The following C1QTNF7 variants were observed in gnomAD, a reference collection of about 807,000 sequenced individuals.
C1QTNF7 encodes the protein C1q and TNF related 7, also known as complement C1q tumor necrosis factor-related protein 7.
Under a neutral mutation model 19.6 loss-of-function variants are expected in C1QTNF7, and 15 were observed. The ratio of observed to expected loss-of-function variants is 0.76; its 90% CI spans 0.51 to 1.18. The LOEUF is 1.18. Among genes scored for constraint, C1QTNF7 ranks in the 50% most tolerant of loss-of-function variants. The probability of loss-of-function intolerance (pLI) is 0.00; values close to 1 mark genes in which losing one functional copy is unlikely to be tolerated. For missense variants in C1QTNF7, 324 were observed against 359.7 expected (o/e 0.90, Z 0.80); for synonymous variants, 142 against 137.5 (o/e 1.03, Z -0.23).
At chr4:15,430,616 G>C (rs1712258877) in intron 1 of C1QTNF7, among the ~76,000 whole-genome samples, 1 of 152,150 alleles carries the variant, frequency 6.6e-6, no homozygotes, top group Non-Finnish European at 1.5e-5. Context: ...AAATTTTATG[G>C]TGTGCAAATT....
At chr4:15,347,033 CA>C (rs904212768) in intron 1 of C1QTNF7, among the ~76,000 whole-genome samples, 1 of 151,862 alleles carries the variant, frequency 6.6e-6, no homozygotes. Context: ...TTATTACCTA[CA>C]AAAAAAATGG....
Position 15,365,422 on chromosome 4 carries a change from G to T in C1QTNF7, c.13+25215G>T, listed in dbSNP as rs563478050. 2.1e-4 allele frequency among the ~76,000 whole-genome samples: 32 copies of T among 152,148 alleles called. No homozygotes were observed. In the South Asian group the frequency reaches 2.9e-3, roughly 14 times the overall value. Reference sequence around the variant, plus strand: ...TAATAATATCTAAAATGTTTCAAATGACATTTCCACATTTGCCATCAAAAG... The same window carrying T: ...TAATAATATCTAAAATGTTTCAAATTACATTTCCACATTTGCCATCAAAAG... On this transcript the variant is annotated intron_variant, in intron 1 of 2. Coordinates refer to the C1QTNF7 transcript ENST00000295297.
chr4:15,385,045 TTC>T (rs1211021902), intron 1 of C1QTNF7, among the ~76,000 whole-genome samples: 1 of 152,196 alleles, frequency 6.6e-6, no homozygotes, highest in African/African-American at 2.4e-5. Context: ...CTCCTTCTCT[TTC>T]TCTCTTTTTC....
intron 1 of C1QTNF7, among the ~76,000 whole-genome samples, chr4:15,413,250 T>C (rs1719471610): frequency 6.6e-6 from 1 of 152,230 alleles, no homozygotes; most frequent in Admixed American, 6.5e-5. Flanking sequence ...CGTGGTTACC[T>C]ATCTATGTTT....
At chr4:15,392,126 C>T (rs1040118804) in intron 1 of C1QTNF7, among the ~76,000 whole-genome samples, 1 of 152,180 alleles carries the variant, frequency 6.6e-6, no homozygotes, top group Non-Finnish European at 1.5e-5. Flanking sequence ...ACAAAAAGAA[C>T]TGAACATTTT....
chr4:15,424,963 T>G (rs1711970553), upstream of C1QTNF7, among the ~76,000 whole-genome samples: 1 of 152,192 alleles, frequency 6.6e-6, no homozygotes, highest in Admixed American at 6.5e-5. Flanking sequence ...AGATTTTGTC[T>G]CTACAAGGTC....
intron 1 of C1QTNF7, among the ~76,000 whole-genome samples, chr4:15,422,846 C>A (rs994916517): frequency 1.3e-5 from 2 of 152,084 alleles, no homozygotes; most frequent in Admixed American, 1.3e-4. Context: ...TGGTCTCAAG[C>A]GATCTTCCCA....
exon 1 of C1QTNF7, chr4:15,340,100 C>T (rs1350361171): frequency 5.8e-6 from 8 of 1,372,400 alleles, no homozygotes; most frequent in South Asian, 1.2e-5. Context: ...ATAATAAACA[C>T]ATATTTCTGC....
chr4:15,356,939 AGTT>A (rs1717165166), intron 1 of C1QTNF7, among the ~76,000 whole-genome samples: 1 of 146,134 alleles, frequency 6.8e-6, no homozygotes, highest in Non-Finnish European at 1.5e-5. Flanking sequence ...TTTTTGATAA[AGTT>A]GTTTTTTTTT....
intron 1 of C1QTNF7, among the ~76,000 whole-genome samples, chr4:15,343,732 C>T (rs1244965386): frequency 6.6e-6 from 1 of 152,126 alleles, no homozygotes; most frequent in African/African-American, 2.4e-5. Context: ...GAAGACAAGA[C>T]CACAGGTCCC....
chr4:15,359,608 T>C (rs1560341025), intron 1 of C1QTNF7, among the ~76,000 whole-genome samples: 2 of 152,136 alleles, frequency 1.3e-5, no homozygotes, highest in Non-Finnish European at 1.5e-5. Flanking sequence ...TTAAAACCCA[T>C]GGAGGTTTTC....
chr4:15,426,297 T>C (rs2108930395), upstream of C1QTNF7, among the ~76,000 whole-genome samples: 1 of 152,312 alleles, frequency 6.6e-6, no homozygotes, highest in East Asian at 1.9e-4. Context: ...ACCCATCACT[T>C]CACCACTGCT....
intron 1 of C1QTNF7, among the ~76,000 whole-genome samples, chr4:15,353,400 T>C (rs997433243): frequency 6.6e-6 from 1 of 152,202 alleles, no homozygotes; most frequent in Non-Finnish European, 1.5e-5. Flanking sequence ...TGGCTGAGCA[T>C]TTTTCTTTCA....
intron 1 of C1QTNF7, among the ~76,000 whole-genome samples, chr4:15,416,832 A>G (rs1370232974): frequency 6.6e-6 from 1 of 152,232 alleles, no homozygotes; most frequent in Non-Finnish European, 1.5e-5. Context: ...ATGACCTTGA[A>G]GTCCTTCCTC....
intron 1 of C1QTNF7, among the ~76,000 whole-genome samples, chr4:15,377,399 A>T (rs1256778610): frequency 6.6e-6 from 1 of 152,156 alleles, no homozygotes; most frequent in Non-Finnish European, 1.5e-5. Context: ...TCATCAGCAG[A>T]TGGGTGGATT....
rs1360698757 is a variant in C1QTNF7 at position 15,435,629 on chromosome 4, T to A, written c.-8-107T>A. 8 of 1,471,412 alleles carry A rather than the reference T, an allele frequency of 5.4e-6. No individual in the cohort carries two copies. In the Admixed American group the frequency reaches 1.6e-4, roughly 30 times the overall value. 91.1% of individuals were successfully genotyped at this position (1,471,412 alleles called of 1,614,324 possible). A position where few individuals can be genotyped will look rare whatever the true frequency, so the allele number is the denominator to read the frequency against. ...ATGTCTGGAAAGACGAACACTGGAG[T>A]GATTTGTTGCAAATGCACATTCTCT... On this transcript the variant is annotated intron_variant, in intron 1 of 2. Coordinates refer to ENST00000444304, the MANE Select transcript of C1QTNF7 (RefSeq NM_031911.5).
At chr4:15,438,574 A>G (rs778947457) in intron 2 of C1QTNF7, among the ~76,000 whole-genome samples, 9 of 152,254 alleles carry the variant, frequency 5.9e-5, no homozygotes, top group Non-Finnish European at 1.0e-4. Context: ...TAAATTTTCT[A>G]TTAAAGTATC....
At chr4:15,353,848 TA>T (rs1717024359) in intron 1 of C1QTNF7, among the ~76,000 whole-genome samples, 2 of 152,056 alleles carry the variant, frequency 1.3e-5, no homozygotes, top group Non-Finnish European at 2.9e-5. Flanking sequence ...AACTCTTGTT[TA>T]AAATGTGTTT....
intron 1 of C1QTNF7, among the ~76,000 whole-genome samples, chr4:15,428,489 A>G (rs1448728069): frequency 2.7e-5 from 4 of 149,854 alleles, no homozygotes; most frequent in South Asian, 2.1e-4. Flanking sequence ...TTTTTTCTTC[A>G]TTGAGCCTCT....
Sources: allele counts gnomAD v4.1 joint callset (sites outside exome capture counted in the v4.1 genomes callset), GRCh38; gene constraint gnomAD v4.1.1; transcripts MANE v1.5; gene names NCBI Gene and HGNC (gene_info 2026-07-23, HGNC 2026-07-21).